The following PTPRD variants were observed in gnomAD, a reference collection of about 807,000 sequenced individuals.
The protein encoded by PTPRD is receptor-type tyrosine-protein phosphatase delta.
PTPRD carries 34 observed loss-of-function variants against 214.5 expected under a neutral mutation model. That is an observed-to-expected ratio of 0.16 (90% confidence interval 0.12 to 0.21). The LOEUF (loss-of-function observed/expected upper bound fraction) is 0.21, where lower values mean the gene tolerates loss of function less well. Ranked by LOEUF, PTPRD falls within the 10% of genes least tolerant of loss-of-function variation. PTPRD has a pLI of 1.00. For missense variants in PTPRD, 2,545 were observed against 2,398.7 expected (o/e 1.06, Z -1.27); for synonymous variants, 1,128 against 845.7 (o/e 1.33, Z -5.79).
At chr9:8,588,650 G>A (rs576135660) in intron 14 of PTPRD, among the ~76,000 whole-genome samples, 1 of 152,148 alleles carries the variant, frequency 6.6e-6, no homozygotes, top group South Asian at 2.1e-4. Flanking sequence ...AGAACTCACA[G>A]GCATGTGTAC....
intron 2 of PTPRD, among the ~76,000 whole-genome samples, chr9:10,446,412 T>G (rs1182208853): frequency 6.9e-6 from 1 of 144,536 alleles, no homozygotes; most frequent in Non-Finnish European, 1.5e-5. Flanking sequence ...TAAAACTATT[T>G]TTTTCTTTTT....
rs555656640 is a variant in PTPRD at position 9,955,992 on chromosome 9, CAAT to C, written c.-471-17385_-471-17383del. Among the ~76,000 whole-genome samples, 67 of 152,224 alleles carry C rather than the reference CAAT, an allele frequency of 4.4e-4. 2 individuals carry two copies. In the South Asian group the frequency reaches 0.013, roughly 31 times the overall value. ...GGTGGGGGGGATCTAAAATCTTACA[CAAT>C]AATTATTTGAGGCAGGCCACATTTA... On this transcript the variant is annotated intron_variant, in intron 4 of 45. Coordinates refer to ENST00000381196, the MANE Select transcript of PTPRD (RefSeq NM_002839.4).
At chr9:8,615,355 C>T (rs1484137745) in intron 14 of PTPRD, among the ~76,000 whole-genome samples, 2 of 152,096 alleles carry the variant, frequency 1.3e-5, no homozygotes, top group Admixed American at 1.3e-4. Flanking sequence ...ACACCAAGCA[C>T]TCATGCAAAA....
At chr9:10,534,617 A>G (rs562131098) in intron 2 of PTPRD, among the ~76,000 whole-genome samples, 1 of 152,270 alleles carries the variant, frequency 6.6e-6, no homozygotes, top group South Asian at 2.1e-4. Flanking sequence ...ACACAACAGG[A>G]CCAAATTTTT....
rs533121612 is a variant in PTPRD at position 9,980,614 on chromosome 9, A to C, written c.-471-42004T>G. Among the ~76,000 whole-genome samples the C allele has an allele frequency of 2.9e-3, 59 of 20,184 alleles. 1 individual carries two copies. Among genetic ancestry groups the C allele is most frequent in the South Asian group, 0.017 (13 of 772 alleles). 13.2% of individuals were successfully genotyped at this position (20,184 alleles called of 152,430 possible). On this transcript the variant is annotated intron_variant, in intron 4 of 45. Coordinates refer to ENST00000381196, the MANE Select transcript of PTPRD (RefSeq NM_002839.4). ...ACAGAGTGAGACACCTTGTCAAAAA[A>C]AAACAAAAAAAAAAAAAAAACAAAA...
Position 9,235,823 on chromosome 9 carries a change from A to AT in PTPRD, c.-202-52461dup, listed in dbSNP as rs1284264503. On this transcript the variant is annotated intron_variant, in intron 9 of 45. Transcript: ENST00000381196. Reference sequence around the variant, plus strand: ...TAACATGAAAAAATCATTTGTATAAATTTGCTCTTAGATTCAGTAACTCTG... The same window carrying AT: ...TAACATGAAAAAATCATTTGTATAAATTTTGCTCTTAGATTCAGTAACTCTG... Among the ~76,000 whole-genome samples, 7 of 152,028 alleles carry AT rather than the reference A, an allele frequency of 4.6e-5. No homozygotes were observed. The East Asian group carries it at 1.2e-3, about 25-fold the overall frequency.
chr9:9,607,217 T>G (rs1315242288), intron 7 of PTPRD, among the ~76,000 whole-genome samples: 2 of 152,032 alleles, frequency 1.3e-5, no homozygotes, highest in Admixed American at 6.6e-5. Context: ...GAGCATAAGT[T>G]GAAAGAATCA....
In PTPRD at chr9:9,496,165, G is replaced by T. The variant is rs1435734804; in HGVS notation, c.-237+78567C>A. 2.6e-5 allele frequency among the ~76,000 whole-genome samples: 4 copies of T among 152,128 alleles called. No homozygotes were observed. In the East Asian group the frequency reaches 7.8e-4, roughly 29 times the overall value. On this transcript the variant is annotated intron_variant, in intron 8 of 45. Transcript: ENST00000381196. ...CTTTTGATTTGACAGTGTTTTCTTG[G>T]ATATGACACCAAAAACTTAGGCAAC... is the stretch of plus-strand genomic sequence containing the variant.
intron 39 of PTPRD, among the ~76,000 whole-genome samples, chr9:8,343,654 T>C (rs1854663229): frequency 6.6e-6 from 1 of 151,944 alleles, no homozygotes; most frequent in South Asian, 2.1e-4. Context: ...CAAATACCCC[T>C]TTACTACAAT....
intron 7 of PTPRD, among the ~76,000 whole-genome samples, chr9:9,668,836 C>T (rs995346297): frequency 6.6e-6 from 1 of 152,138 alleles, no homozygotes; most frequent in Non-Finnish European, 1.5e-5. Flanking sequence ...TCCTGCATCT[C>T]ACACCACAGT....
At chr9:9,484,780 T>G (rs949516901) in intron 8 of PTPRD, among the ~76,000 whole-genome samples, 3 of 152,160 alleles carry the variant, frequency 2.0e-5, no homozygotes, top group Non-Finnish European at 4.4e-5. Flanking sequence ...TGTCTGGTTC[T>G]GGAGCCTACA....
At chr9:8,737,887 G>A (rs1446538914) in intron 11 of PTPRD, among the ~76,000 whole-genome samples, 1 of 152,134 alleles carries the variant, frequency 6.6e-6, no homozygotes, top group Non-Finnish European at 1.5e-5. Context: ...CTGACCTTGT[G>A]ATCCGCTCGC....
intron 9 of PTPRD, among the ~76,000 whole-genome samples, chr9:9,295,790 G>A (rs990171849): frequency 6.6e-6 from 1 of 151,780 alleles, no homozygotes; most frequent in African/African-American, 2.4e-5. Context: ...AAGCTTGTCT[G>A]TGACTCTGGT....
intron 3 of PTPRD, among the ~76,000 whole-genome samples, chr9:10,057,458 A>C (rs757007348): frequency 6.6e-6 from 1 of 152,004 alleles, no homozygotes; most frequent in African/African-American, 2.4e-5. Flanking sequence ...ACTTCCAAAC[A>C]TTCGCACTCT....
At chr9:9,555,656 A>T (rs963788248) in intron 8 of PTPRD, among the ~76,000 whole-genome samples, 2 of 152,106 alleles carry the variant, frequency 1.3e-5, no homozygotes, top group African/African-American at 4.8e-5. Flanking sequence ...AATCTAGTAC[A>T]AGAAGAAACC....
At chr9:10,215,331 C>T (rs1268966937) in intron 3 of PTPRD, among the ~76,000 whole-genome samples, 2 of 150,644 alleles carry the variant, frequency 1.3e-5, no homozygotes, top group African/African-American at 4.9e-5. Flanking sequence ...AAATGATAAA[C>T]TGAATGAATG....
At chr9:8,924,715 C>T (rs2098856217) in intron 11 of PTPRD, among the ~76,000 whole-genome samples, 1 of 152,126 alleles carries the variant, frequency 6.6e-6, no homozygotes, top group Non-Finnish European at 1.5e-5. Flanking sequence ...CTCTGCAGCG[C>T]TGTCTCATCA....
At chr9:9,804,775 T>C (rs1468545048) in intron 5 of PTPRD, among the ~76,000 whole-genome samples, 2 of 151,734 alleles carry the variant, frequency 1.3e-5, no homozygotes, top group African/African-American at 2.4e-5. Context: ...TTTTTATATA[T>C]AAAATGTTTG....
At chr9:8,536,810 G>A (rs982502064) in intron 14 of PTPRD, among the ~76,000 whole-genome samples, 1 of 151,898 alleles carries the variant, frequency 6.6e-6, no homozygotes, top group African/African-American at 2.4e-5. Context: ...CGGTTTATGG[G>A]ACTAATAATG....
Sources: gnomAD v4.1 joint callset for allele counts (sites outside exome capture counted in the v4.1 genomes callset) on GRCh38, gnomAD v4.1.1 for gene constraint, MANE v1.5 for transcripts, NCBI Gene and HGNC (gene_info 2026-07-23, HGNC 2026-07-21) for gene names.